The following GATAD2B variants were observed in gnomAD, a reference collection of about 807,000 sequenced individuals.
GATAD2B encodes the protein GATA zinc finger domain containing 2B, also known as transcriptional repressor p66-beta.
GATAD2B carries 8 observed loss-of-function variants against 64.3 expected under a neutral mutation model. The observed-to-expected ratio is 0.12, with a 90% CI of 0.07 to 0.22. The LOEUF (loss-of-function observed/expected upper bound fraction) is 0.22. Among genes scored for constraint, GATAD2B ranks in the 10% least tolerant of loss-of-function variants. The pLI is 1.00. For missense variants in GATAD2B, 453 were observed against 752.0 expected, an observed-to-expected ratio of 0.60 and a Z score of 4.65; for synonymous variants, 281 against 271.3, an observed-to-expected ratio of 1.04 and a Z score of -0.35.
chr1:153,885,863 CAAA>C (rs778577435), intron 1 of GATAD2B, among the ~76,000 whole-genome samples: 4 of 53,646 alleles, frequency 7.5e-5, no homozygotes, highest in Non-Finnish European at 1.2e-4. Flanking sequence ...ACTCCGTCTC[CAAA>C]AAAAAAAAAA....
At chr1:153,815,739 T>C (rs372464334) in intron 7 of GATAD2B, among the ~76,000 whole-genome samples, 4 of 152,064 alleles carry the variant, frequency 2.6e-5, no homozygotes, top group Admixed American at 1.3e-4. Context: ...GATAGATAGA[T>C]AGATACATAG....
At position 153,899,794 on chromosome 1, in the gene GATAD2B, T is replaced by G. The variant is rs1041398094; in HGVS notation, c.-2+22939A>C. On this transcript the variant is annotated intron_variant, in intron 1 of 10. Transcript: ENST00000368655. ...AATTGAGTTGTTTCAGAAACTCTTATAGCCTGTTGGTGCGGTTGTAAACTG... is the reference window on the plus strand; with the variant it reads ...AATTGAGTTGTTTCAGAAACTCTTAGAGCCTGTTGGTGCGGTTGTAAACTG... 2.6e-5 allele frequency among the ~76,000 whole-genome samples: 4 copies of G among 152,328 alleles called. No individual in the cohort carries two copies. The East Asian group carries it at 7.7e-4, about 29-fold the overall frequency.
chr1:153,904,279 C>CGAATAAAT (rs780325859), intron 1 of GATAD2B, among the ~76,000 whole-genome samples: 1 of 147,246 alleles, frequency 6.8e-6, no homozygotes, highest in Non-Finnish European at 1.5e-5. Context: ...AACTCCATCT[C>CGAATAAAT]AAATAAATAA....
chr1:153,823,833 G>A (rs1397715717), intron 2 of GATAD2B, among the ~76,000 whole-genome samples: 5 of 151,672 alleles, frequency 3.3e-5, no homozygotes, highest in African/African-American at 4.8e-5. Flanking sequence ...GGGTTCAAGC[G>A]ATTCTCCTGC....
In GATAD2B at chr1:153,811,783, G is replaced by A. The variant is rs1557778112; in HGVS notation, c.1596C>T (p.Asn532=). The A allele has an allele frequency of 2.5e-6, 4 of 1,612,798 alleles. No individual in the cohort carries two copies. In the African/African-American group the frequency reaches 5.3e-5, roughly 22 times the overall value. The change falls in exon 10 of 11, where the codon AAC becomes AAT. Residue 532 remains asparagine (N), a synonymous_variant. Transcript: ENST00000368655. Reference sequence around the variant, plus strand: ...CAGACAACTGGGGTGCCTGTGCAAAGTTTGAAAGCATGGAGCGGGCAGATG... The same window carrying A: ...CAGACAACTGGGGTGCCTGTGCAAAATTTGAAAGCATGGAGCGGGCAGATG... ...IPTSARSMLS[N]FAQAPQLSVP...
intron 1 of GATAD2B, among the ~76,000 whole-genome samples, chr1:153,840,900 C>T (rs1358534839): frequency 6.6e-6 from 1 of 151,788 alleles, no homozygotes; most frequent in African/African-American, 2.4e-5. Flanking sequence ...CCGAGGAGAG[C>T]GGATCATGTG....
At chr1:153,916,594 G>A (rs1189344365) in intron 1 of GATAD2B, among the ~76,000 whole-genome samples, 1 of 152,078 alleles carries the variant, frequency 6.6e-6, no homozygotes. Flanking sequence ...GTTTAGGAGA[G>A]AAATGATAAT....
chr1:153,914,636 T>A (rs1438311328), intron 1 of GATAD2B: 3 of 152,156 alleles, frequency 2.0e-5, no homozygotes, highest in Non-Finnish European at 4.4e-5. Flanking sequence ...AATACAATAG[T>A]AAAAAGACAC....
chr1:153,832,199 G>C lies in GATAD2B; in HGVS notation c.-1-3851C>G, dbSNP rs187532710. Among the ~76,000 whole-genome samples, 11 of 147,266 alleles carry C rather than the reference G, an allele frequency of 7.5e-5. No homozygotes were observed. The East Asian group carries it at 2.1e-3, about 28-fold the overall frequency. ...CACTGCACTCCAGCCTAGGCGACAA[G>C]AGCAAGACTCCATCTCAAAAAAAAA... On this transcript the variant is annotated intron_variant, in intron 1 of 10. Coordinates refer to ENST00000368655, the MANE Select transcript of GATAD2B (RefSeq NM_020699.4).
chr1:153,862,118 C>CT (rs754580519), intron 1 of GATAD2B, among the ~76,000 whole-genome samples: 2,811 of 101,158 alleles, frequency 0.028, 188 homozygotes, highest in African/African-American at 0.072. Context: ...ACATTATATC[C>CT]TTTTTTTTTT....
chr1:153,906,100 C>CCACACACA (rs1157119943), intron 1 of GATAD2B, among the ~76,000 whole-genome samples: 1 of 150,226 alleles, frequency 6.7e-6, no homozygotes, highest in Non-Finnish European at 1.5e-5. Flanking sequence ...CCCCCGCACC[C>CCACACACA]CACACACACA....
intron 1 of GATAD2B, among the ~76,000 whole-genome samples, chr1:153,865,612 A>G (rs1676452333): frequency 6.6e-6 from 1 of 152,260 alleles, no homozygotes; most frequent in Non-Finnish European, 1.5e-5. Flanking sequence ...TTACATAAGT[A>G]AAGACTTTTA....
intron 7 of GATAD2B, among the ~76,000 whole-genome samples, chr1:153,815,283 AAAAAAAAAAC>A (rs1241196214): frequency 4.8e-4 from 67 of 139,278 alleles, no homozygotes; most frequent in Non-Finnish European, 4.9e-4. Flanking sequence ...AAAAAAACAA[AAAAAAAAAAC>A]AAAAAAAAAA....
chr1:153,867,720 C>A (rs572685848), intron 1 of GATAD2B, among the ~76,000 whole-genome samples: 13 of 151,454 alleles, frequency 8.6e-5, no homozygotes, highest in East Asian at 7.8e-4. Flanking sequence ...ACAAGCCGGG[C>A]ATGGTGGTGA....
At chr1:153,905,768 C>CA (rs200353950) in intron 1 of GATAD2B, among the ~76,000 whole-genome samples, 62,313 of 115,730 alleles carry the variant, frequency 0.54, 16,449 homozygotes, top group Non-Finnish European at 0.59. Context: ...ACCAGTCTCT[C>CA]AAACAAAAAA....
intron 1 of GATAD2B, among the ~76,000 whole-genome samples, chr1:153,895,493 T>C (rs897082281): frequency 7.3e-5 from 11 of 151,516 alleles, no homozygotes; most frequent in Non-Finnish European, 1.6e-4. Flanking sequence ...TATGGGAGGA[T>C]CACTTAAGCC....
chr1:153,823,600 T>C (rs1242193675), intron 2 of GATAD2B, among the ~76,000 whole-genome samples: 1 of 152,204 alleles, frequency 6.6e-6, no homozygotes, highest in Non-Finnish European at 1.5e-5. Context: ...TTCTCCCACT[T>C]TGGCCTCCCA....
chr1:153,889,435 A>C (rs946451598), intron 1 of GATAD2B, among the ~76,000 whole-genome samples: 16 of 148,402 alleles, frequency 1.1e-4, no homozygotes, highest in South Asian at 2.1e-4. Flanking sequence ...AAAAAAAAAA[A>C]ACACACAAAA....
chr1:153,922,011 G>A (rs1678455472), intron 1 of GATAD2B: 1 of 152,258 alleles, frequency 6.6e-6, no homozygotes, highest in African/African-American at 2.4e-5. Context: ...TGAACTGGAA[G>A]ACAGATCCAG....
Sources: gnomAD v4.1 joint callset for allele counts (sites outside exome capture counted in the v4.1 genomes callset) on GRCh38, gnomAD v4.1.1 for gene constraint, MANE v1.5 for transcripts, NCBI Gene and HGNC (gene_info 2026-07-23, HGNC 2026-07-21) for gene names.